Variants in ILDR1 observed in about 807,000 individuals in gnomAD.
The protein encoded by ILDR1 is immunoglobulin like domain containing receptor 1.
In ILDR1, 56 loss-of-function variants were observed where a neutral mutation model predicts 62.4. That is an observed-to-expected ratio of 0.90 (90% confidence interval 0.72 to 1.12). The LOEUF is 1.12. ILDR1 is among the 50% of genes most tolerant of loss of function. The pLI, the probability that ILDR1 is intolerant of heterozygous loss-of-function variation, is 0.00. For synonymous variants in ILDR1, 284 were observed against 277.8 expected, an observed-to-expected ratio of 1.02 and a Z score of -0.22; for missense variants, 736 against 710.6, an observed-to-expected ratio of 1.04 and a Z score of -0.41.
At position 122,005,286 on chromosome 3, in the gene ILDR1, G is replaced by GCAC; in HGVS notation, c.334_336dup (p.Val112dup). 6.5e-7 allele frequency: 1 copy of GCAC among 1,538,754 alleles called. No individual in the cohort carries two copies. The highest frequency in any genetic ancestry group is 1.1e-5 in the South Asian group (1 of 90,040). On this transcript the variant is annotated inframe_insertion, in exon 3 of 8. Coordinates refer to ENST00000344209, the MANE Select transcript of ILDR1 (RefSeq NM_001199799.2). ...TTGCGCTGCCGGTAATCTACCCCCA[G>GCAC]CACGGGCTCATTCTGCCCCCGCCGC...
At chr3:122,009,091 G>A (rs1378452220) in intron 1 of ILDR1, among the ~76,000 whole-genome samples, 2 of 151,546 alleles carry the variant, frequency 1.3e-5, no homozygotes, top group Admixed American at 1.3e-4. Context: ...GCACCACCAT[G>A]CCTGACTTTT....
the ILDR1 span, among the ~76,000 whole-genome samples, chr3:122,043,129 C>T: frequency 4.6e-5 from 6 of 131,786 alleles, no homozygotes; most frequent in Non-Finnish European, 8.0e-5. Context: ...CAGCTTTCTA[C>T]ATATGGCTAG....
At chr3:122,055,053 C>T in the ILDR1 span, among the ~76,000 whole-genome samples, 1 of 151,782 alleles carries the variant, frequency 6.6e-6, no homozygotes, top group African/African-American at 2.4e-5. Flanking sequence ...TTTTTATTAT[C>T]TTATCAAAAT....
At chr3:122,033,268 T>C in the ILDR1 span, among the ~76,000 whole-genome samples, 1 of 152,108 alleles carries the variant, frequency 6.6e-6, no homozygotes, top group African/African-American at 2.4e-5. Flanking sequence ...TCATGTTTAT[T>C]GGACTCTTGA....
At chr3:122,001,639 G>A in intron 4 of ILDR1, 106 bp downstream of exon 4, 8 of 1,547,442 alleles carry the variant, frequency 5.2e-6, no homozygotes, top group East Asian at 2.2e-5. Flanking sequence ...ATAATCCAAT[G>A]ACAAGAACTT....
At chr3:122,001,638 T>C in intron 4 of ILDR1, 107 bp downstream of exon 4, 1 of 1,550,066 alleles carries the variant, frequency 6.5e-7, no homozygotes, top group Non-Finnish European at 8.9e-7. Flanking sequence ...GATAATCCAA[T>C]GACAAGAACT....
At chr3:122,056,008 T>C in the ILDR1 span, among the ~76,000 whole-genome samples, 3 of 152,106 alleles carry the variant, frequency 2.0e-5, no homozygotes, top group African/African-American at 7.2e-5. Context: ...GGTTGGGTAG[T>C]GGAAGGAGGT....
At chr3:122,053,473 T>C in the ILDR1 span, among the ~76,000 whole-genome samples, 1 of 152,276 alleles carries the variant, frequency 6.6e-6, no homozygotes, top group African/African-American at 2.4e-5. Flanking sequence ...ATATATTAAT[T>C]AGAAAATTGT....
intron 1 of ILDR1, 115 bp from the exon 2 acceptor site, chr3:122,007,276 G>C: frequency 6.4e-7 from 1 of 1,557,812 alleles, no homozygotes; most frequent in South Asian, 1.2e-5. Context: ...CTGGCTAGGA[G>C]CTCACAGACA....
At chr3:122,029,503 C>T in the ILDR1 span, among the ~76,000 whole-genome samples, 1 of 85,380 alleles carries the variant, frequency 1.2e-5, no homozygotes, top group Non-Finnish European at 2.2e-5. Flanking sequence ...GACACTCCGT[C>T]TAAAAAAAAT....
At chr3:122,051,316 T>G in the ILDR1 span, among the ~76,000 whole-genome samples, 1 of 152,328 alleles carries the variant, frequency 6.6e-6, no homozygotes, top group Non-Finnish European at 1.5e-5. Context: ...ATTTTCTTTG[T>G]TGCTATTTTT....
upstream of ILDR1, chr3:122,022,360 G>A: frequency 2.7e-6 from 1 of 368,830 alleles, no homozygotes; most frequent in Non-Finnish European, 4.8e-6. Context: ...CCTACCTGCT[G>A]CCGCCTCCTG....
Position 121,993,270 on chromosome 3 carries a change from C to T in ILDR1, c.1479G>A (p.Arg493=). Reference sequence around the variant, plus strand: ...GGGAGTGCGAGCCGCGGCGGTGGGCCCGCCAGCTCTGGGGCTGCCTCTCCT... The same window carrying T: ...GGGAGTGCGAGCCGCGGCGGTGGGCTCGCCAGCTCTGGGGCTGCCTCTCCT... The part of the protein sequence containing the change: ...EDKERQPQSW[R]AHRRGSHSPH... Residue 493 remains arginine, a synonymous_variant, in exon 7 of 8, where the codon CGG becomes CGA. Transcript: ENST00000344209. The T allele has an allele frequency of 6.2e-7, 1 of 1,613,564 alleles. No homozygotes were observed. Among genetic ancestry groups the T allele is most frequent in the Non-Finnish European group, 8.5e-7 (1 of 1,179,772 alleles).
intron 1 of ILDR1, among the ~76,000 whole-genome samples, chr3:122,013,659 G>A (rs2071735370): frequency 6.6e-6 from 1 of 152,112 alleles, no homozygotes; most frequent in Admixed American, 6.5e-5. Context: ...AGCAAGACAA[G>A]AAGTGACTAG....
Position 121,993,361 on chromosome 3 carries a change from C to CG in ILDR1, c.1387dup (p.Arg463ProfsTer20), listed in dbSNP as rs1553743227. The CG allele has an allele frequency of 6.2e-7, 1 of 1,609,746 alleles. No homozygotes were observed. Among genetic ancestry groups the CG allele is most frequent in the East Asian group, 2.2e-5 (1 of 44,754 alleles). On this transcript the variant is annotated frameshift_variant, in exon 7 of 8. Coordinates refer to ENST00000344209, the MANE Select transcript of ILDR1 (RefSeq NM_001199799.2). LOFTEE classifies it high-confidence loss of function. Reference sequence around the variant, plus strand: ...GGGAGGAGAGTAGCTGCGGTGCCTGCGTCGTCTCCCGTGCCTCTGAGTGCT... The same window carrying CG: ...GGGAGGAGAGTAGCTGCGGTGCCTGCGGTCGTCTCCCGTGCCTCTGAGTGCT...
intron 5 of ILDR1, among the ~76,000 whole-genome samples, chr3:121,998,365 A>G (rs774727939): frequency 2.6e-5 from 4 of 152,158 alleles, no homozygotes; most frequent in Non-Finnish European, 2.9e-5. Context: ...CCTCTAACCA[A>G]AGAGCTTTCT....
At chr3:122,050,015 G>T in the ILDR1 span, among the ~76,000 whole-genome samples, 1 of 152,184 alleles carries the variant, frequency 6.6e-6, no homozygotes, top group Non-Finnish European at 1.5e-5. Flanking sequence ...CCCAGTTTCA[G>T]ATATTTTACT....
intron 1 of ILDR1, among the ~76,000 whole-genome samples, chr3:122,017,886 G>A (rs141514258): frequency 0.011 from 1,602 of 152,268 alleles, 34 homozygotes; most frequent in African/African-American, 0.037. Context: ...TAAAAGTCAG[G>A]AAACAACAGA....
the ILDR1 span, chr3:122,055,403 T>C: frequency 3.7e-6 from 5 of 1,349,598 alleles, no homozygotes; most frequent in Non-Finnish European, 5.3e-6. Flanking sequence ...AAAGCTTTGC[T>C]TCTCTGCTGC....
Sources: gnomAD v4.1 joint callset for allele counts (sites outside exome capture counted in the v4.1 genomes callset) on GRCh38, gnomAD v4.1.1 for gene constraint, MANE v1.5 for transcripts, NCBI Gene and HGNC (gene_info 2026-07-23, HGNC 2026-07-21) for gene names.